PPP2R5A: variants seen among roughly 807,000 people sequenced by gnomAD.
PPP2R5A encodes the protein protein phosphatase 2 regulatory subunit B'alpha.
Under a neutral mutation model 64.2 loss-of-function variants are expected in PPP2R5A, and 25 were observed. That is an observed-to-expected ratio of 0.39 (90% CI 0.28 to 0.54). PPP2R5A has a LOEUF of 0.54. Ranked by LOEUF, PPP2R5A falls within the 20% of genes least tolerant of loss-of-function variation. The pLI is 0.67. For missense variants in PPP2R5A, 425 were observed against 576.3 expected, an observed-to-expected ratio of 0.74 and a Z score of 2.69; for synonymous variants, 198 against 201.2, an observed-to-expected ratio of 0.98 and a Z score of 0.13.
chr1:212,309,654 T>C, intron 1 of PPP2R5A: 1 of 508,838 alleles, frequency 2.0e-6, no homozygotes, highest in Non-Finnish European at 3.5e-6. Flanking sequence ...AACCTTCTTT[T>C]TTTCTGGCAC....
intron 3 of PPP2R5A, among the ~76,000 whole-genome samples, chr1:212,335,406 C>T (rs868427043): frequency 3.4e-5 from 5 of 149,172 alleles, no homozygotes; most frequent in Admixed American, 1.4e-4. Context: ...ACCCAGGAGG[C>T]GGAGGTTGTG....
At chr1:212,296,150 G>A (rs1240218642) in intron 1 of PPP2R5A, among the ~76,000 whole-genome samples, 2 of 152,018 alleles carry the variant, frequency 1.3e-5, no homozygotes, top group African/African-American at 4.8e-5. Flanking sequence ...AGGAGTCAAG[G>A]ATGACTCTCA....
chr1:212,286,738 T>C (rs752551255), intron 1 of PPP2R5A, among the ~76,000 whole-genome samples: 3 of 152,218 alleles, frequency 2.0e-5, no homozygotes, highest in Admixed American at 6.5e-5. Context: ...TTTACAGTTA[T>C]AAAGCCGTCT....
intron 3 of PPP2R5A, among the ~76,000 whole-genome samples, chr1:212,341,050 A>G (rs891004531): frequency 6.6e-6 from 1 of 152,162 alleles, no homozygotes; most frequent in Non-Finnish European, 1.5e-5. Flanking sequence ...TTAATAGCTA[A>G]TAAGATACAT....
intron 8 of PPP2R5A, 89 bp from the exon 9 acceptor site, chr1:212,356,537 G>A (rs1424801261): frequency 5.9e-6 from 7 of 1,179,718 alleles, no homozygotes; most frequent in Admixed American, 2.4e-5. Flanking sequence ...ACTTCAGAAT[G>A]AGTGTTGATA....
intron 3 of PPP2R5A, among the ~76,000 whole-genome samples, chr1:212,340,322 A>G (rs1176355054): frequency 6.6e-6 from 1 of 152,068 alleles, no homozygotes; most frequent in Non-Finnish European, 1.5e-5. Context: ...TTTTCTAAAT[A>G]GCTCCTGCAC....
At chr1:212,288,384 G>T (rs1658543390) in intron 1 of PPP2R5A, among the ~76,000 whole-genome samples, 1 of 152,144 alleles carries the variant, frequency 6.6e-6, no homozygotes, top group African/African-American at 2.4e-5. Flanking sequence ...TATGATGTAG[G>T]GTTCAACAAG....
chr1:212,294,547 C>A (rs1267393110), intron 1 of PPP2R5A, among the ~76,000 whole-genome samples: 1 of 152,188 alleles, frequency 6.6e-6, no homozygotes, highest in Non-Finnish European at 1.5e-5. Context: ...ATTAGACACA[C>A]ACTTTATTTT....
At chr1:212,326,793 A>G (rs189614900) in intron 1 of PPP2R5A, among the ~76,000 whole-genome samples, 41 of 152,354 alleles carry the variant, frequency 2.7e-4, no homozygotes, top group Non-Finnish European at 4.3e-4. Flanking sequence ...ATCTTATTTT[A>G]CTGGCATAGC....
chr1:212,318,409 TTTTTTTA>T (rs1378215065), intron 1 of PPP2R5A, among the ~76,000 whole-genome samples: 3 of 152,198 alleles, frequency 2.0e-5, no homozygotes, highest in African/African-American at 7.2e-5. Flanking sequence ...TGCTTTTAAA[TTTTTTTA>T]TTTTTTATTT....
intron 1 of PPP2R5A, among the ~76,000 whole-genome samples, chr1:212,300,911 T>C (rs1658789212): frequency 6.6e-6 from 1 of 152,116 alleles, no homozygotes; most frequent in African/African-American, 2.4e-5. Context: ...TTTCCAGGGT[T>C]CTTGGATTTC....
intron 1 of PPP2R5A, among the ~76,000 whole-genome samples, chr1:212,322,603 G>A (rs961586136): frequency 6.6e-6 from 1 of 152,104 alleles, no homozygotes; most frequent in African/African-American, 2.4e-5. Flanking sequence ...GTACATGACA[G>A]CAGCTTCGCT....
At chr1:212,345,010 T>C (rs1334688835) in intron 4 of PPP2R5A, among the ~76,000 whole-genome samples, 4 of 151,738 alleles carry the variant, frequency 2.6e-5, no homozygotes, top group African/African-American at 4.8e-5. Flanking sequence ...CCAAAAAATA[T>C]ATAAATTAGC....
intron 7 of PPP2R5A, 63 bp downstream of exon 7, chr1:212,348,560 G>C: frequency 8.8e-7 from 1 of 1,141,580 alleles, no homozygotes. Flanking sequence ...TAAAGGCAGA[G>C]AAATTGAGAA....
intron 1 of PPP2R5A, among the ~76,000 whole-genome samples, chr1:212,314,152 G>C (rs964753762): frequency 6.6e-6 from 1 of 152,124 alleles, no homozygotes; most frequent in Admixed American, 6.6e-5. Context: ...AGCTCAGACC[G>C]CATGGAGAGG....
At position 212,342,258 on chromosome 1, in the gene PPP2R5A, T is replaced by C; in HGVS notation, c.551T>C (p.Ile184Thr). Residue 184 changes from isoleucine (I) to threonine (T), a missense_variant, in exon 4 of 13, where the codon ATT becomes ACT. Transcript: ENST00000261461. ...CAGCCTAGCATTGCAAAACGATACA[T>C]TGATCAGAAATTCGTACAACAGGTA... ...DFQPSIAKRYIDQKFVQQLLE... is the reference protein window; with the variant it reads ...DFQPSIAKRYTDQKFVQQLLE... 1 of 1,613,534 alleles carries C rather than the reference T, an allele frequency of 6.2e-7. No individual in the cohort carries two copies. Among genetic ancestry groups the C allele is most frequent in the African/African-American group, 1.3e-5 (1 of 75,044 alleles).
chr1:212,338,743 C>T (rs1016828690), intron 3 of PPP2R5A, among the ~76,000 whole-genome samples: 4 of 151,508 alleles, frequency 2.6e-5, no homozygotes, highest in Non-Finnish European at 2.9e-5. Flanking sequence ...GCCGACATTG[C>T]GCCATTGCAC....
At chr1:212,329,065 AAATT>A (rs961685784) in intron 1 of PPP2R5A, 66 bp from the exon 2 acceptor site, 60 of 1,163,226 alleles carry the variant, frequency 5.2e-5, no homozygotes, top group Non-Finnish European at 6.7e-5. Context: ...AGCTTCTACA[AAATT>A]AATAAATATA....
intron 1 of PPP2R5A, among the ~76,000 whole-genome samples, chr1:212,289,528 C>T (rs1485920845): frequency 6.6e-6 from 1 of 151,712 alleles, no homozygotes; most frequent in East Asian, 2.0e-4. Flanking sequence ...GTGCTGTTAA[C>T]TGTTTTATGT....
Sources: allele counts gnomAD v4.1 joint callset (sites outside exome capture counted in the v4.1 genomes callset), GRCh38; gene constraint gnomAD v4.1.1; transcripts MANE v1.5; gene names NCBI Gene and HGNC (gene_info 2026-07-23, HGNC 2026-07-21).